Variants in CCDC150 observed in about 807,000 individuals in gnomAD.
The protein encoded by CCDC150 is coiled-coil domain containing 150, also known as coiled-coil domain-containing protein 150.
CCDC150 carries 151 observed loss-of-function variants against 156.5 expected under a neutral mutation model. The ratio of observed to expected loss-of-function variants is 0.97; its 90% confidence interval spans 0.85 to 1.10. The LOEUF (loss-of-function observed/expected upper bound fraction) is 1.10. CCDC150 is among the 50% of genes least tolerant of loss of function. CCDC150 has a pLI of 0.00. For synonymous variants in CCDC150, 452 were observed against 429.4 expected, an observed-to-expected ratio of 1.05 and a Z score of -0.65; for missense variants, 1,312 against 1,268.1, an observed-to-expected ratio of 1.03 and a Z score of -0.53.
intron 12 of CCDC150, 85 bp from the exon 13 acceptor site, chr2:196,677,208 C>T (rs1284850599): frequency 1.2e-6 from 1 of 847,684 alleles, no homozygotes; most frequent in Non-Finnish European, 2.0e-6. Flanking sequence ...TATTAATTGA[C>T]ATGCAGGATA....
intron 27 of CCDC150, 42 bp downstream of exon 27, chr2:196,732,194 T>C: frequency 6.2e-7 from 1 of 1,609,784 alleles, no homozygotes; most frequent in Non-Finnish European, 8.5e-7. Flanking sequence ...TTTCTACTTG[T>C]TGCTTCTCAG....
rs369079193 is a variant in CCDC150 at position 196,732,015 on chromosome 2, T to C, written c.3070-18T>C. 101 of 1,609,466 alleles carry C rather than the reference T, an allele frequency of 6.3e-5. No homozygotes were observed. The highest frequency in any genetic ancestry group is 8.4e-5 in the Non-Finnish European group (99 of 1,177,688). ...ACTCTTTCTTTGTGTCTTTTAATGG[T>C]GATATTTATATGTTCAGATAACAGC... On this transcript the variant is annotated intron_variant, in intron 26 of 27. Transcript: ENST00000389175.
At chr2:196,718,018 T>C (rs1035946256) in intron 17 of CCDC150, among the ~76,000 whole-genome samples, 2 of 152,212 alleles carry the variant, frequency 1.3e-5, no homozygotes, top group Non-Finnish European at 2.9e-5. Flanking sequence ...TTATCTGAAC[T>C]GATGGTGTGG....
intron 7 of CCDC150, chr2:196,667,580 C>T (rs933281114): frequency 1.3e-5 from 2 of 152,206 alleles, no homozygotes; most frequent in Admixed American, 6.5e-5. Context: ...TTCACATAAA[C>T]TATTTCATTC....
intron 4 of CCDC150, among the ~76,000 whole-genome samples, chr2:196,658,006 A>G (rs75123064): frequency 0.011 from 1,667 of 152,308 alleles, 34 homozygotes; most frequent in African/African-American, 0.038. Flanking sequence ...ATGACATTAT[A>G]GAGTATCTGA....
chr2:196,690,337 C>A (rs1254683364), intron 13 of CCDC150, among the ~76,000 whole-genome samples: 1 of 151,964 alleles, frequency 6.6e-6, no homozygotes, highest in Non-Finnish European at 1.5e-5. Context: ...ACATATGTAA[C>A]TAACCTGCAC....
intron 2 of CCDC150, among the ~76,000 whole-genome samples, chr2:196,647,218 A>T (rs1044194150): frequency 6.6e-6 from 1 of 152,138 alleles, no homozygotes; most frequent in Non-Finnish European, 1.5e-5. Context: ...TTGGTAACAC[A>T]ATAGGAATAT....
At chr2:196,676,423 A>G (rs2125616092) in intron 11 of CCDC150, 131 bp from the exon 12 acceptor site, 1 of 1,303,488 alleles carries the variant, frequency 7.7e-7, no homozygotes, top group East Asian at 2.3e-5. Flanking sequence ...CCCTCAAGAA[A>G]CTAGTTTTGT....
At chr2:196,653,333 T>C (rs538003072) in intron 2 of CCDC150, among the ~76,000 whole-genome samples, 7 of 152,370 alleles carry the variant, frequency 4.6e-5, no homozygotes, top group Non-Finnish European at 8.8e-5. Context: ...CTATATCTTA[T>C]TGTAGACTGT....
intron 2 of CCDC150, among the ~76,000 whole-genome samples, chr2:196,649,316 T>TCA (rs1471966789): frequency 7.2e-5 from 11 of 152,194 alleles, no homozygotes; most frequent in Non-Finnish European, 1.5e-5. Flanking sequence ...GACATTTCAG[T>TCA]CAGTGACAGA....
intron 13 of CCDC150, among the ~76,000 whole-genome samples, chr2:196,679,594 T>C (rs1694699362): frequency 1.3e-5 from 2 of 152,238 alleles, no homozygotes; most frequent in Admixed American, 1.3e-4. Context: ...TATATAAATA[T>C]TCAGATATGC....
At chr2:196,655,013 G>A (rs968056013) in intron 2 of CCDC150, among the ~76,000 whole-genome samples, 1 of 152,224 alleles carries the variant, frequency 6.6e-6, no homozygotes, top group Non-Finnish European at 1.5e-5. Context: ...TAAGACAGTA[G>A]CCACGCTCTC....
chr2:196,709,610 T>G (rs947520190), intron 15 of CCDC150, among the ~76,000 whole-genome samples: 1 of 152,230 alleles, frequency 6.6e-6, no homozygotes, highest in African/African-American at 2.4e-5. Flanking sequence ...ATTTTCAGCT[T>G]TTCTGCTCTG....
chr2:196,661,644 G>A (rs751537762), intron 5 of CCDC150, among the ~76,000 whole-genome samples: 3 of 152,166 alleles, frequency 2.0e-5, no homozygotes, highest in Non-Finnish European at 2.9e-5. Context: ...ACAGATAGGA[G>A]AAGTGTGGTA....
In CCDC150 at chr2:196,674,331, C is replaced by T; in HGVS notation, c.1120C>T (p.His374Tyr). Residue 374 changes from histidine to tyrosine, a missense_variant, in exon 10 of 28, where the codon CAT becomes TAT. Physicochemically the swap from His to Tyr is moderately conservative, Grantham distance 83. Coordinates refer to ENST00000389175, the MANE Select transcript of CCDC150 (RefSeq NM_001080539.2). ...GGAAAAAGCCAGAATCATTGCTGAC[C>T]ATCAGGCCATTCTGCAGGTATTCGT... The part of the protein sequence containing the change: ...TMEKARIIAD[H>Y]QAILQVEQKM... The T allele has an allele frequency of 1.3e-6, 2 of 1,599,278 alleles. No individual in the cohort carries two copies. Among genetic ancestry groups the T allele is most frequent in the African/African-American group, 1.3e-5 (1 of 74,762 alleles).
At position 196,667,085 on chromosome 2, in the gene CCDC150, T is replaced by G. The variant is rs1693893918; in HGVS notation, c.892+237T>G. The G allele has an allele frequency of 2.2e-5, 11 of 510,658 alleles. No individual in the cohort carries two copies. The South Asian group carries it at 2.8e-4, about 13-fold the overall frequency. 31.6% of individuals were successfully genotyped at this position (510,658 alleles called of 1,614,324 possible). On this transcript the variant is annotated intron_variant, in intron 7 of 27. Transcript: ENST00000389175. ...TATTCCTTATTTGTTTTTTTCCAGC[T>G]TGTTTGTGGACCTGGGAATATTTGG...
intron 14 of CCDC150, among the ~76,000 whole-genome samples, chr2:196,698,197 T>G (rs566439940): frequency 6.6e-6 from 1 of 152,302 alleles, no homozygotes; most frequent in South Asian, 2.1e-4. Context: ...AAACAGTAAT[T>G]TAAGTAACTG....
intron 7 of CCDC150, 129 bp from the exon 8 acceptor site, chr2:196,669,703 AT>A: frequency 3.1e-6 from 2 of 636,642 alleles, no homozygotes; most frequent in East Asian, 5.7e-5. Context: ...GTCTATAAAA[AT>A]ATTATAGAAA....
At chr2:196,668,656 G>A (rs1273671843) in intron 7 of CCDC150, among the ~76,000 whole-genome samples, 3 of 152,060 alleles carry the variant, frequency 2.0e-5, no homozygotes, top group Non-Finnish European at 4.4e-5. Context: ...TAAAAGGAAT[G>A]CCTTTAAATA....
Sources: gnomAD v4.1 joint callset for allele counts (sites outside exome capture counted in the v4.1 genomes callset) on GRCh38, gnomAD v4.1.1 for gene constraint, MANE v1.5 for transcripts, NCBI Gene and HGNC (gene_info 2026-07-23, HGNC 2026-07-21) for gene names.